FRMD4A: variants seen among roughly 807,000 people sequenced by gnomAD.
FRMD4A encodes the protein FERM domain containing 4A, also known as FERM domain-containing protein 4A.
In FRMD4A, 29 loss-of-function variants were observed where a neutral mutation model predicts 129.1. That is an observed-to-expected ratio of 0.22 (90% CI 0.17 to 0.31). The LOEUF (loss-of-function observed/expected upper bound fraction) is 0.31. Among genes scored for constraint, FRMD4A ranks in the 10% least tolerant of loss-of-function variants. FRMD4A has a pLI of 1.00. For synonymous variants in FRMD4A, 634 were observed against 571.6 expected, an observed-to-expected ratio of 1.11 and a Z score of -1.56; for missense variants, 1,272 against 1,375.8, an observed-to-expected ratio of 0.92 and a Z score of 1.19.
intron 2 of FRMD4A, among the ~76,000 whole-genome samples, chr10:13,968,642 T>TG (rs1447893062): frequency 1.3e-5 from 2 of 152,144 alleles, no homozygotes; most frequent in African/African-American, 4.8e-5. Context: ...TTAGTAGAGA[T>TG]GGGGTTTCTC....
intron 23 of FRMD4A, chr10:13,653,334 T>C (rs2081841558): frequency 6.6e-6 from 1 of 152,256 alleles, no homozygotes; most frequent in South Asian, 2.1e-4. Flanking sequence ...GCCAACGTGG[T>C]GAAACCCTGT....
At chr10:13,882,127 C>T (rs920423763) in intron 2 of FRMD4A, among the ~76,000 whole-genome samples, 5 of 151,504 alleles carry the variant, frequency 3.3e-5, no homozygotes, top group African/African-American at 4.9e-5. Context: ...CTGTGGTCTA[C>T]GAAGAATGCA....
chr10:13,829,492 A>G (rs1225582538), intron 3 of FRMD4A, among the ~76,000 whole-genome samples: 1 of 152,194 alleles, frequency 6.6e-6, no homozygotes, highest in Admixed American at 6.5e-5. Context: ...CCCATCTCAA[A>G]AAAAGGCAAA....
intron 2 of FRMD4A, among the ~76,000 whole-genome samples, chr10:14,000,751 C>A (rs183749498): frequency 6.7e-6 from 1 of 148,672 alleles, no homozygotes; most frequent in African/African-American, 2.5e-5. Flanking sequence ...TTGAAAGACA[C>A]ACAAAAGGGA....
chr10:14,292,786 C>T (rs950777609), intron 2 of FRMD4A, among the ~76,000 whole-genome samples: 11 of 151,508 alleles, frequency 7.3e-5, no homozygotes, highest in South Asian at 4.2e-4. Context: ...GGCGACAGAG[C>T]GAGACTCTGC....
At chr10:13,912,666 C>T (rs1325399904) in intron 2 of FRMD4A, among the ~76,000 whole-genome samples, 2 of 151,946 alleles carry the variant, frequency 1.3e-5, no homozygotes, top group African/African-American at 4.8e-5. Flanking sequence ...GTAGCTGGGA[C>T]TACAGGCGCC....
intron 2 of FRMD4A, among the ~76,000 whole-genome samples, chr10:13,934,567 C>T (rs1266319322): frequency 6.6e-6 from 1 of 152,038 alleles, no homozygotes; most frequent in Non-Finnish European, 1.5e-5. Flanking sequence ...CACTTATATC[C>T]TTGTTGACGA....
intron 2 of FRMD4A, among the ~76,000 whole-genome samples, chr10:14,280,251 G>T (rs1845474825): frequency 6.6e-6 from 1 of 152,142 alleles, no homozygotes; most frequent in African/African-American, 2.4e-5. Context: ...AAGCATCTTG[G>T]TGATCCCCTT....
chr10:14,227,219 C>T (rs1843470134), intron 2 of FRMD4A, among the ~76,000 whole-genome samples: 1 of 149,202 alleles, frequency 6.7e-6, no homozygotes, highest in Non-Finnish European at 1.5e-5. Context: ...CTTTCCCCTT[C>T]CTCCTCCTCC....
intron 2 of FRMD4A, among the ~76,000 whole-genome samples, chr10:14,006,381 C>A (rs999898555): frequency 3.3e-5 from 5 of 152,076 alleles, no homozygotes; most frequent in African/African-American, 1.2e-4. Context: ...CAAACATACC[C>A]AATAACAGAC....
At chr10:13,866,141 T>C (rs1044580029) in intron 2 of FRMD4A, 12 of 168,074 alleles carry the variant, frequency 7.1e-5, no homozygotes, top group Non-Finnish European at 1.5e-4. Flanking sequence ...CCTTCCAAGA[T>C]ATGCTTCAGT....
chr10:14,067,211 G>T (rs189586248), intron 2 of FRMD4A, among the ~76,000 whole-genome samples: 1 of 152,126 alleles, frequency 6.6e-6, no homozygotes, highest in Admixed American at 6.5e-5. Context: ...AGCTACTCGG[G>T]AGGCTGAGGC....
chr10:14,141,395 C>G (rs1018426815), intron 2 of FRMD4A, among the ~76,000 whole-genome samples: 5 of 152,146 alleles, frequency 3.3e-5, no homozygotes, highest in Non-Finnish European at 5.9e-5. Flanking sequence ...GGATGCTATC[C>G]ATGCACTCTC....
At chr10:14,143,581 C>T (rs1714455002) in intron 2 of FRMD4A, among the ~76,000 whole-genome samples, 2 of 152,190 alleles carry the variant, frequency 1.3e-5, no homozygotes, top group African/African-American at 4.8e-5. Context: ...CTGAATTATG[C>T]ACTTAAGATG....
intron 2 of FRMD4A, among the ~76,000 whole-genome samples, chr10:14,095,481 G>A (rs1442829493): frequency 6.6e-6 from 1 of 152,206 alleles, no homozygotes; most frequent in Non-Finnish European, 1.5e-5. Context: ...TGAACTATCC[G>A]TGGGGACATA....
At chr10:13,863,883 A>T (rs2094327603) in intron 2 of FRMD4A, among the ~76,000 whole-genome samples, 1 of 152,208 alleles carries the variant, frequency 6.6e-6, no homozygotes, top group Non-Finnish European at 1.5e-5. Context: ...CTTAGATTGG[A>T]AACAGTCATA....
chr10:14,321,767 G>C (rs984193049), intron 2 of FRMD4A, among the ~76,000 whole-genome samples: 2 of 152,174 alleles, frequency 1.3e-5, no homozygotes, highest in Non-Finnish European at 2.9e-5. Context: ...GGTAGCCCAG[G>C]TGATATGGTT....
chr10:13,872,576 C>T (rs1057432071), intron 2 of FRMD4A, among the ~76,000 whole-genome samples: 5 of 152,256 alleles, frequency 3.3e-5, no homozygotes, highest in East Asian at 3.8e-4. Flanking sequence ...CATGCGTTCA[C>T]GCAGACGTTC....
chr10:13,731,914 C>A (rs1446340131), intron 12 of FRMD4A, among the ~76,000 whole-genome samples: 1 of 152,102 alleles, frequency 6.6e-6, no homozygotes, highest in Non-Finnish European at 1.5e-5. Context: ...TGAACACGCA[C>A]AAAAGCCAAA....
Sources: allele counts gnomAD v4.1 joint callset (sites outside exome capture counted in the v4.1 genomes callset), GRCh38; gene constraint gnomAD v4.1.1; transcripts MANE v1.5; gene names NCBI Gene and HGNC (gene_info 2026-07-23, HGNC 2026-07-21).